EPHA6: variants seen among roughly 807,000 people sequenced by gnomAD.
EPHA6 encodes the protein ephrin type-A receptor 6.
EPHA6 carries 50 observed loss-of-function variants against 112.0 expected under a neutral mutation model. That is an observed-to-expected ratio of 0.45 (90% confidence interval 0.36 to 0.56). The LOEUF is 0.56. Ranked by LOEUF, EPHA6 falls within the 20% of genes least tolerant of loss-of-function variation. EPHA6 has a pLI of 0.00. For synonymous variants in EPHA6, 529 were observed against 490.7 expected (o/e 1.08, Z -1.03); for missense variants, 1,280 against 1,417.4 (o/e 0.90, Z 1.56).
intron 6 of EPHA6, among the ~76,000 whole-genome samples, chr3:97,409,614 T>C (rs1257364090): frequency 6.6e-6 from 1 of 151,980 alleles, no homozygotes; most frequent in East Asian, 1.9e-4. Flanking sequence ...TCATGTCAAT[T>C]TTGCATCTGC....
chr3:97,661,108 C>T (rs749195787), intron 14 of EPHA6, among the ~76,000 whole-genome samples: 2 of 152,058 alleles, frequency 1.3e-5, no homozygotes, highest in Non-Finnish European at 2.9e-5. Context: ...TTTTGTAAAT[C>T]CAGAAATAAC....
chr3:97,296,141 C>T (rs767410425), intron 5 of EPHA6, among the ~76,000 whole-genome samples: 7 of 152,130 alleles, frequency 4.6e-5, no homozygotes, highest in Middle Eastern at 3.4e-3. Flanking sequence ...TCCCTAGTGA[C>T]TCATACTGTT....
intron 14 of EPHA6, among the ~76,000 whole-genome samples, chr3:97,643,105 C>T (rs556273415): frequency 6.6e-6 from 1 of 152,280 alleles, no homozygotes; most frequent in Admixed American, 6.5e-5. Flanking sequence ...GGCAGAAACC[C>T]TGCAAGCCAG....
chr3:97,522,671 T>C (rs928873610), intron 10 of EPHA6, among the ~76,000 whole-genome samples: 4 of 152,186 alleles, frequency 2.6e-5, no homozygotes. Flanking sequence ...AGTAATAAAG[T>C]CTGGGCTTTT....
chr3:97,159,817 T>C (rs1368180555), intron 3 of EPHA6, among the ~76,000 whole-genome samples: 1 of 152,162 alleles, frequency 6.6e-6, no homozygotes, highest in Non-Finnish European at 1.5e-5. Flanking sequence ...GGATGAGGCA[T>C]TCTGTAAATC....
intron 3 of EPHA6, among the ~76,000 whole-genome samples, chr3:97,075,067 A>T (rs943519568): frequency 2.6e-5 from 4 of 151,948 alleles, no homozygotes; most frequent in Non-Finnish European, 5.9e-5. Flanking sequence ...TTTACCAGCA[A>T]TTAGGACTAC....
At chr3:97,656,919 T>C (rs183630934) in intron 14 of EPHA6, among the ~76,000 whole-genome samples, 1 of 152,076 alleles carries the variant, frequency 6.6e-6, no homozygotes, top group Admixed American at 6.6e-5. Flanking sequence ...GGTATTATCA[T>C]ATGAAACATA....
At chr3:97,023,383 GT>G (rs1242575879) in intron 3 of EPHA6, among the ~76,000 whole-genome samples, 5 of 151,982 alleles carry the variant, frequency 3.3e-5, no homozygotes, top group Non-Finnish European at 7.4e-5. Flanking sequence ...TCGGCCCTTT[GT>G]TTTGTCTTTA....
intron 11 of EPHA6, among the ~76,000 whole-genome samples, chr3:97,574,228 A>C (rs2093361556): frequency 6.6e-6 from 1 of 152,160 alleles, no homozygotes; most frequent in African/African-American, 2.4e-5. Context: ...TGAATTTATA[A>C]AGTCATTCAG....
intron 2 of EPHA6, among the ~76,000 whole-genome samples, chr3:96,972,799 G>A (rs868413046): frequency 2.6e-5 from 4 of 152,070 alleles, no homozygotes; most frequent in South Asian, 4.1e-4. Flanking sequence ...AGTCCGTTCT[G>A]TGCTAAGAAA....
At chr3:97,191,188 T>A (rs1167061629) in intron 3 of EPHA6, among the ~76,000 whole-genome samples, 1 of 152,122 alleles carries the variant, frequency 6.6e-6, no homozygotes, top group Admixed American at 6.6e-5. Flanking sequence ...TTTATTTTCA[T>A]GGGTACATAG....
chr3:96,868,436 C>T (rs1253461172), intron 2 of EPHA6, among the ~76,000 whole-genome samples: 1 of 151,596 alleles, frequency 6.6e-6, no homozygotes, highest in African/African-American at 2.4e-5. Flanking sequence ...ATCTAGGTAT[C>T]AATATAGGTT....
chr3:97,111,791 C>T (rs2047731627), intron 3 of EPHA6, among the ~76,000 whole-genome samples: 1 of 152,056 alleles, frequency 6.6e-6, no homozygotes, highest in East Asian at 1.9e-4. Context: ...GTTCAATACT[C>T]TTCCACATTC....
At chr3:97,116,748 G>A (rs1576516883) in intron 3 of EPHA6, among the ~76,000 whole-genome samples, 1 of 151,478 alleles carries the variant, frequency 6.6e-6, no homozygotes, top group South Asian at 2.1e-4. Context: ...GTGAACACTT[G>A]GGTTGATTCC....
At chr3:97,206,638 A>T (rs1055865903) in intron 3 of EPHA6, among the ~76,000 whole-genome samples, 1 of 151,286 alleles carries the variant, frequency 6.6e-6, no homozygotes, top group East Asian at 2.0e-4. Flanking sequence ...CCTTGTTGAA[A>T]CTCCAGGTGT....
chr3:96,824,451 G>T (rs2033509755), intron 1 of EPHA6, among the ~76,000 whole-genome samples: 1 of 151,466 alleles, frequency 6.6e-6, no homozygotes, highest in Non-Finnish European at 1.5e-5. Flanking sequence ...AAACATTTAG[G>T]TTCTTAATCT....
At chr3:97,685,151 A>G (rs1342165085) in intron 14 of EPHA6, among the ~76,000 whole-genome samples, 2 of 152,212 alleles carry the variant, frequency 1.3e-5, no homozygotes, top group Non-Finnish European at 2.9e-5. Flanking sequence ...AAACAGAAAT[A>G]AATTTGTCTA....
intron 5 of EPHA6, among the ~76,000 whole-genome samples, chr3:97,318,460 A>T (rs976328238): frequency 1.3e-5 from 2 of 152,014 alleles, no homozygotes; most frequent in Non-Finnish European, 2.9e-5. Context: ...GAACAAGTAG[A>T]TTTTAATCAC....
At chr3:97,066,210 C>A (rs775732205) in intron 3 of EPHA6, among the ~76,000 whole-genome samples, 174 of 152,104 alleles carry the variant, frequency 1.1e-3, no homozygotes, top group Non-Finnish European at 1.8e-3. Context: ...GTTTCTTCTA[C>A]CATAGGCCTG....
Sources: allele counts gnomAD v4.1 joint callset (sites outside exome capture counted in the v4.1 genomes callset), GRCh38; gene constraint gnomAD v4.1.1; transcripts MANE v1.5; gene names NCBI Gene and HGNC (gene_info 2026-07-23, HGNC 2026-07-21).